Variants in PXDNL observed in about 807,000 individuals in gnomAD.
The protein encoded by PXDNL is probable oxidoreductase PXDNL.
A neutral mutation model predicts 150.8 loss-of-function variants in PXDNL; 145 were observed. That is an observed-to-expected ratio of 0.96 (90% CI 0.84 to 1.10). PXDNL has a LOEUF of 1.10. Among genes scored for constraint, PXDNL ranks in the 50% least tolerant of loss-of-function variants. The pLI is 0.00. For synonymous variants in PXDNL, 757 were observed against 725.7 expected (o/e 1.04, Z -0.69); for missense variants, 2,087 against 1,873.9 (o/e 1.11, Z -2.10).
chr8:51,561,889 CT>C (rs984529781), intron 3 of PXDNL, among the ~76,000 whole-genome samples: 1 of 151,854 alleles, frequency 6.6e-6, no homozygotes, highest in African/African-American at 2.4e-5. Flanking sequence ...CACAATTACA[CT>C]TTTTAAAAAA....
intron 3 of PXDNL, among the ~76,000 whole-genome samples, chr8:51,567,210 G>A (rs1041046899): frequency 1.3e-5 from 2 of 151,454 alleles, no homozygotes; most frequent in Non-Finnish European, 3.0e-5. Context: ...GTCCTTCTTG[G>A]TGAATGTTCT....
intron 10 of PXDNL, among the ~76,000 whole-genome samples, chr8:51,452,818 A>T (rs991057380): frequency 1.3e-5 from 2 of 152,118 alleles, no homozygotes; most frequent in Non-Finnish European, 2.9e-5. Flanking sequence ...GTTTAGAAAA[A>T]ACTGGACCTT....
chr8:51,320,732 G>A, intron 22 of PXDNL, 52 bp downstream of exon 22: 1 of 1,262,388 alleles, frequency 7.9e-7, no homozygotes, highest in South Asian at 1.2e-5. Context: ...TGCTTCAACT[G>A]GCTGGCTAGA....
chr8:51,802,142 A>G (rs1585761753), intron 1 of PXDNL, among the ~76,000 whole-genome samples: 2 of 151,854 alleles, frequency 1.3e-5, no homozygotes, highest in South Asian at 2.1e-4. Context: ...GAATTTTTTT[A>G]AGTATTTTTA....
At chr8:51,744,715 AAAAGAGAAAAAGAAAAGAAAG>A (rs2036956763) in intron 1 of PXDNL, among the ~76,000 whole-genome samples, 3 of 68,092 alleles carry the variant, frequency 4.4e-5, no homozygotes, top group Non-Finnish European at 5.9e-5. Flanking sequence ...AGAAAGAAAG[AAAAGAGAAAAAGAAAAGAAAG>A]AAAGAGAAAA....
In PXDNL at chr8:51,486,767, TATATATATATATATATATA is replaced by T. The variant is rs1563433348; in HGVS notation, c.453-3072_453-3054del. ...TAAAAAGTTTATATATATATATATA[TATATATATATATATATATA>T]TATATATATTTTTTTTTTTTTTTTT... On this transcript the variant is annotated intron_variant, in intron 5 of 22. Transcript: ENST00000356297. 8.0e-3 allele frequency among the ~76,000 whole-genome samples: 74 copies of T among 9,292 alleles called. 1 individual carries two copies. Among genetic ancestry groups the T allele is most frequent in the African/African-American group, 0.018 (73 of 3,962 alleles). 6.1% of individuals were successfully genotyped at this position (9,292 alleles called of 152,430 possible). A position where few individuals can be genotyped will look rare whatever the true frequency, so the allele number is the denominator to read the frequency against.
intron 12 of PXDNL, among the ~76,000 whole-genome samples, chr8:51,441,942 AG>A (rs1809561707): frequency 6.6e-6 from 1 of 152,096 alleles, no homozygotes; most frequent in African/African-American, 2.4e-5. Flanking sequence ...GGCCACGCAG[AG>A]CACCCTGATG....
intron 2 of PXDNL, among the ~76,000 whole-genome samples, chr8:51,630,864 C>G (rs1814475156): frequency 6.6e-6 from 1 of 152,144 alleles, no homozygotes; most frequent in Admixed American, 6.5e-5. Context: ...TTGGGGAAAG[C>G]AGTGTGGCTA....
intron 1 of PXDNL, among the ~76,000 whole-genome samples, chr8:51,692,357 A>G (rs10958295): frequency 6.6e-6 from 1 of 152,050 alleles, no homozygotes; most frequent in Admixed American, 6.5e-5. Context: ...ATATTAAATC[A>G]TTTAAAATAT....
intron 12 of PXDNL, among the ~76,000 whole-genome samples, chr8:51,445,967 G>A (rs1191569037): frequency 2.0e-5 from 3 of 149,362 alleles, no homozygotes; most frequent in African/African-American, 7.4e-5. Context: ...TTTCCCCCCC[G>A]TAGAACCTCA....
At chr8:51,398,438 G>T (rs530373762) in intron 17 of PXDNL, among the ~76,000 whole-genome samples, 1 of 152,336 alleles carries the variant, frequency 6.6e-6, no homozygotes, top group South Asian at 2.1e-4. Flanking sequence ...GGCAACTGCT[G>T]CAGGAAGTTG....
Position 51,435,807 on chromosome 8 carries a change from G to A in PXDNL, c.1526-9049C>T, listed in dbSNP as rs569537627. 7 of 424,286 alleles carry A rather than the reference G, an allele frequency of 1.6e-5. No homozygotes were observed. In the East Asian group the frequency reaches 2.0e-4, roughly 12 times the overall value. 26.3% of individuals were successfully genotyped at this position (424,286 alleles called of 1,614,324 possible). A position where few individuals can be genotyped will look rare whatever the true frequency, so the allele number is the denominator to read the frequency against. On this transcript the variant is annotated intron_variant, in intron 12 of 22. Coordinates refer to ENST00000356297, the MANE Select transcript of PXDNL (RefSeq NM_144651.5). ...TGGATTTTCATCTTTTCTTCCAGAG[G>A]AATAAATAAATTTCAGAACAAGACA...
chr8:51,513,989 T>C (rs1563445964), intron 4 of PXDNL, among the ~76,000 whole-genome samples: 1 of 152,218 alleles, frequency 6.6e-6, no homozygotes, highest in Non-Finnish European at 1.5e-5. Context: ...ATAACAATGG[T>C]TTTATTTTAC....
At chr8:51,382,013 A>G (rs1156751758) in intron 17 of PXDNL, among the ~76,000 whole-genome samples, 1 of 152,130 alleles carries the variant, frequency 6.6e-6, no homozygotes, top group Non-Finnish European at 1.5e-5. Flanking sequence ...ACATATGTAT[A>G]CATGTGCAGA....
At chr8:51,705,067 G>A (rs1269986845) in intron 1 of PXDNL, among the ~76,000 whole-genome samples, 2 of 151,974 alleles carry the variant, frequency 1.3e-5, no homozygotes, top group Admixed American at 6.5e-5. Context: ...AATGGTTTCC[G>A]TTTTTTCACT....
At chr8:51,328,242 G>T (rs2130630676) in intron 21 of PXDNL, among the ~76,000 whole-genome samples, 1 of 152,334 alleles carries the variant, frequency 6.6e-6, no homozygotes, top group Admixed American at 6.5e-5. Context: ...AATGGTGTGA[G>T]CCAATGCCTT....
chr8:51,527,098 C>T (rs1238604458), intron 4 of PXDNL, among the ~76,000 whole-genome samples: 2 of 152,164 alleles, frequency 1.3e-5, no homozygotes, highest in African/African-American at 2.4e-5. Context: ...ATTTTCCTGC[C>T]TCTCAGTTTG....
chr8:51,325,758 T>C (rs1454888791), intron 21 of PXDNL, among the ~76,000 whole-genome samples: 1 of 152,174 alleles, frequency 6.6e-6, no homozygotes, highest in Non-Finnish European at 1.5e-5. Context: ...ACCCCCTAGT[T>C]TCCTACTTGG....
chr8:51,551,312 G>A (rs1007559503), intron 4 of PXDNL, among the ~76,000 whole-genome samples: 1 of 151,750 alleles, frequency 6.6e-6, no homozygotes, highest in African/African-American at 2.4e-5. Context: ...ATCCTTCATA[G>A]AACTATGAAA....
Sources: gnomAD v4.1 joint callset for allele counts (sites outside exome capture counted in the v4.1 genomes callset) on GRCh38, gnomAD v4.1.1 for gene constraint, MANE v1.5 for transcripts, NCBI Gene and HGNC (gene_info 2026-07-23, HGNC 2026-07-21) for gene names.